COL5A2: variants seen among roughly 807,000 people sequenced by gnomAD.
COL5A2 encodes the protein collagen alpha-2(V) chain.
COL5A2 carries 23 observed loss-of-function variants against 208.2 expected under a neutral mutation model. The ratio of observed to expected loss-of-function variants is 0.11; its 90% confidence interval spans 0.08 to 0.16. The LOEUF (loss-of-function observed/expected upper bound fraction) is 0.16, where lower values mean the gene tolerates loss of function less well. Ranked by LOEUF, COL5A2 falls within the 10% of genes least tolerant of loss-of-function variation. The pLI, the probability that COL5A2 is intolerant of heterozygous loss-of-function variation, is 1.00. For synonymous variants in COL5A2, 625 were observed against 628.5 expected (o/e 0.99, Z 0.08); for missense variants, 1,590 against 1,956.4 (o/e 0.81, Z 3.53).
the COL5A2 span, among the ~76,000 whole-genome samples, chr2:189,419,928 G>A: frequency 1.4e-5 from 2 of 138,860 alleles, no homozygotes; most frequent in African/African-American, 2.7e-5. Context: ...GAAGGAGAGG[G>A]GAGGAGAGGA....
intron 1 of COL5A2, among the ~76,000 whole-genome samples, chr2:189,174,211 G>C (rs1040781597): frequency 7.9e-5 from 12 of 152,166 alleles, no homozygotes; most frequent in African/African-American, 2.7e-4. Flanking sequence ...TGAACACAAT[G>C]AATTTCAGGC....
the COL5A2 span, among the ~76,000 whole-genome samples, chr2:189,399,451 A>T: frequency 2.6e-5 from 4 of 151,910 alleles, no homozygotes; most frequent in African/African-American, 9.7e-5. Context: ...GGAGCTCACC[A>T]TGTTGGCCAG....
the COL5A2 span, among the ~76,000 whole-genome samples, chr2:189,392,327 C>T: frequency 6.6e-6 from 1 of 152,106 alleles, no homozygotes; most frequent in Non-Finnish European, 1.5e-5. Flanking sequence ...GGAACTACTT[C>T]CTAAAAGATG....
chr2:189,149,373 T>G (rs1026358819), intron 1 of COL5A2, among the ~76,000 whole-genome samples: 5 of 152,142 alleles, frequency 3.3e-5, no homozygotes, highest in Non-Finnish European at 7.4e-5. Flanking sequence ...TTAATAATAT[T>G]GGAACCTTAA....
the COL5A2 span, among the ~76,000 whole-genome samples, chr2:189,370,771 T>C: frequency 1.1e-3 from 167 of 152,290 alleles, no homozygotes; most frequent in African/African-American, 3.6e-3. Flanking sequence ...GTATCTGAAA[T>C]TATACAATTG....
intron 3 of COL5A2, among the ~76,000 whole-genome samples, chr2:189,104,023 G>A (rs1228705612): frequency 6.6e-6 from 1 of 151,996 alleles, no homozygotes; most frequent in African/African-American, 2.4e-5. Context: ...CCCTAAAGAT[G>A]TCACAACTTT....
chr2:189,152,763 G>A (rs1379941713), intron 1 of COL5A2, among the ~76,000 whole-genome samples: 2 of 152,172 alleles, frequency 1.3e-5, no homozygotes, highest in Non-Finnish European at 2.9e-5. Flanking sequence ...AGGGTGGAGA[G>A]CATTGTAGAA....
At chr2:189,122,236 A>G (rs1687516414) in intron 1 of COL5A2, among the ~76,000 whole-genome samples, 2 of 152,208 alleles carry the variant, frequency 1.3e-5, no homozygotes, top group Non-Finnish European at 2.9e-5. Context: ...GAGAATTACA[A>G]ATAAGAAATC....
chr2:189,314,870 G>A, the COL5A2 span, among the ~76,000 whole-genome samples: 1 of 152,034 alleles, frequency 6.6e-6, no homozygotes, highest in Non-Finnish European at 1.5e-5. Flanking sequence ...ACCCTCCTAC[G>A]ACTGAACCAG....
intron 52 of COL5A2, among the ~76,000 whole-genome samples, chr2:189,035,454 T>G (rs1685425708): frequency 6.6e-6 from 1 of 152,022 alleles, no homozygotes; most frequent in Non-Finnish European, 1.5e-5. Flanking sequence ...GTATCAAAAA[T>G]AACTCATTTT....
Position 189,051,443 on chromosome 2 carries a change from C to A in COL5A2, c.2808G>T (p.Gly936=), listed in dbSNP as rs141089340. The change falls in exon 42 of 54, where the codon GGG becomes GGT. Residue 936 remains glycine, a synonymous_variant. Transcript: ENST00000374866. The part of the protein sequence containing the change: ...PGPAGPLGEP[G]KEGPPGLRGD... Reference sequence around the variant, plus strand: ...CACGAAGACCTGGAGGTCCCTCCTTCCCGGGTTCCCCTAGGGGTCCCGCAG... The same window carrying A: ...CACGAAGACCTGGAGGTCCCTCCTTACCGGGTTCCCCTAGGGGTCCCGCAG... 3.5e-5 allele frequency: 56 copies of A among 1,612,534 alleles called. No individual in the cohort carries two copies. The highest frequency in any genetic ancestry group is 4.6e-5 in the Non-Finnish European group (54 of 1,179,186).
chr2:189,054,269 G>T, intron 35 of COL5A2, 57 bp from the exon 36 acceptor site: 1 of 1,301,824 alleles, frequency 7.7e-7, no homozygotes, highest in South Asian at 1.2e-5. Context: ...AAATCTTCAT[G>T]CTTAGCAAAT....
At chr2:189,132,654 C>T (rs766021537) in intron 1 of COL5A2, among the ~76,000 whole-genome samples, 7 of 152,140 alleles carry the variant, frequency 4.6e-5, no homozygotes, top group Middle Eastern at 3.2e-3. Flanking sequence ...GGTTCAGTAG[C>T]TTACGCCTGT....
chr2:189,405,976 T>G, the COL5A2 span, among the ~76,000 whole-genome samples: 1 of 152,196 alleles, frequency 6.6e-6, no homozygotes, highest in African/African-American at 2.4e-5. Flanking sequence ...ATGAGTAGGT[T>G]AGTTCTTTCT....
At chr2:189,127,192 G>T (rs1406718200) in intron 1 of COL5A2, among the ~76,000 whole-genome samples, 1 of 151,834 alleles carries the variant, frequency 6.6e-6, no homozygotes, top group Admixed American at 6.6e-5. Flanking sequence ...GGAAAGAGAA[G>T]AGACAAAAAA....
chr2:189,225,842 T>G (rs1046163829), upstream of COL5A2, among the ~76,000 whole-genome samples: 4 of 152,186 alleles, frequency 2.6e-5, no homozygotes, highest in Admixed American at 2.6e-4. Flanking sequence ...TTTTCACTTG[T>G]AGAACAACCA....
intron 29 of COL5A2, among the ~76,000 whole-genome samples, chr2:189,062,170 A>G (rs1468022650): frequency 1.6e-5 from 2 of 125,110 alleles, no homozygotes; most frequent in Non-Finnish European, 3.2e-5. Context: ...ATGTCCTAAA[A>G]AATACCTTAA....
intron 1 of COL5A2, among the ~76,000 whole-genome samples, chr2:189,201,991 A>G (rs1689085510): frequency 6.6e-6 from 1 of 151,238 alleles, no homozygotes; most frequent in African/African-American, 2.4e-5. Flanking sequence ...AATTATATAT[A>G]TTATATATGC....
Position 189,061,555 on chromosome 2 carries a change from T to G in COL5A2, c.2031+7A>C. On this transcript the variant is annotated splice_region_variant and intron_variant, in intron 30 of 53. Coordinates refer to ENST00000374866, the MANE Select transcript of COL5A2 (RefSeq NM_000393.5). ...AAGATGAAATGGAAAACCGAATTAG[T>G]GCATACCTGAAAACCTGTGGGGCCT... is the stretch of plus-strand genomic sequence containing the variant. The G allele has an allele frequency of 6.2e-7, 1 of 1,608,842 alleles. No individual in the cohort carries two copies. Among genetic ancestry groups the G allele is most frequent in the Non-Finnish European group, 8.5e-7 (1 of 1,175,454 alleles).
Sources: allele counts gnomAD v4.1 joint callset (sites outside exome capture counted in the v4.1 genomes callset), GRCh38; gene constraint gnomAD v4.1.1; transcripts MANE v1.5; gene names NCBI Gene and HGNC (gene_info 2026-07-23, HGNC 2026-07-21).